The following CSMD3 variants were observed in gnomAD, a reference collection of about 807,000 sequenced individuals.
CSMD3 encodes the protein CUB and sushi domain-containing protein 3.
A neutral mutation model predicts 435.2 loss-of-function variants in CSMD3; 177 were observed. That is an observed-to-expected ratio of 0.41 (90% confidence interval 0.36 to 0.46). The LOEUF (loss-of-function observed/expected upper bound fraction) is 0.46, where lower values mean the gene tolerates loss of function less well. Among genes scored for constraint, CSMD3 ranks in the 20% least tolerant of loss-of-function variants. The pLI is 0.34. For synonymous variants in CSMD3, 1,656 were observed against 1,520.5 expected, an observed-to-expected ratio of 1.09 and a Z score of -2.07; for missense variants, 4,265 against 4,504.6, an observed-to-expected ratio of 0.95 and a Z score of 1.52.
At chr8:112,923,735 T>C in intron 9 of CSMD3, among the ~76,000 whole-genome samples, 1 of 152,206 alleles carries the variant, frequency 6.6e-6, no homozygotes, top group East Asian at 1.9e-4. Context: ...ATCTATTTTG[T>C]TTCCCAACAT....
chr8:113,301,529 T>G (rs1000331370), intron 2 of CSMD3, among the ~76,000 whole-genome samples: 1 of 150,970 alleles, frequency 6.6e-6, no homozygotes, highest in Non-Finnish European at 1.5e-5. Flanking sequence ...TTAGTTTATG[T>G]TTTTTTTTAA....
rs1239098509 is a variant in CSMD3, at chr8:112,361,568, C to CATATAT, written c.6137-9035_6137-9034insATATAT. Among the ~76,000 whole-genome samples, 20 of 35,592 alleles carry CATATAT rather than the reference C, an allele frequency of 5.6e-4. 1 individual carries two copies. Among genetic ancestry groups the CATATAT allele is most frequent in the Non-Finnish European group, 8.9e-4 (17 of 19,158 alleles). 23.3% of individuals were successfully genotyped at this position (35,592 alleles called of 152,430 possible). ...AAAAGTGTGTATGTATATATATACA[C>CATATAT]ATACATATATATATATATATATATA... On this transcript the variant is annotated intron_variant, in intron 38 of 70. Transcript: ENST00000297405.
intron 18 of CSMD3, among the ~76,000 whole-genome samples, chr8:112,654,034 G>C (rs569539043): frequency 1.5e-5 from 2 of 136,918 alleles, no homozygotes; most frequent in African/African-American, 5.5e-5. Flanking sequence ...AAAAGAATGG[G>C]GTAAAAAATA....
At chr8:113,074,064 T>A (rs1383293) in intron 5 of CSMD3, among the ~76,000 whole-genome samples, 101,910 of 151,582 alleles carry the variant, frequency 0.67, 35,872 homozygotes, top group East Asian at 0.95. Context: ...TTTTTGACAG[T>A]AGCTTCTATG....
At chr8:113,078,680 G>A (rs887545929) in intron 5 of CSMD3, among the ~76,000 whole-genome samples, 2 of 152,170 alleles carry the variant, frequency 1.3e-5, no homozygotes, top group Non-Finnish European at 2.9e-5. Flanking sequence ...GAAATCTTCA[G>A]TATAAAGTCC....
At chr8:113,422,988 C>A (rs1352254741) in intron 1 of CSMD3, among the ~76,000 whole-genome samples, 2 of 150,950 alleles carry the variant, frequency 1.3e-5, no homozygotes, top group Admixed American at 6.6e-5. Context: ...GGGAAGGAAC[C>A]CAAGTCTAAA....
At chr8:113,146,396 A>C (rs930446243) in intron 4 of CSMD3, among the ~76,000 whole-genome samples, 1 of 151,538 alleles carries the variant, frequency 6.6e-6, no homozygotes, top group Non-Finnish European at 1.5e-5. Context: ...TCAGTGACAC[A>C]ACAATATGCA....
At chr8:113,122,319 T>C (rs557770157) in intron 4 of CSMD3, among the ~76,000 whole-genome samples, 49 of 152,248 alleles carry the variant, frequency 3.2e-4, no homozygotes, top group Non-Finnish European at 5.4e-4. Flanking sequence ...TATGAAAAAG[T>C]AGAAGCATCC....
intron 32 of CSMD3, among the ~76,000 whole-genome samples, chr8:112,459,050 AT>A (rs1315701518): frequency 6.6e-6 from 1 of 151,886 alleles, no homozygotes; most frequent in African/African-American, 2.4e-5. Context: ...TAATCCCCTC[AT>A]TGTTTCTCAT....
intron 3 of CSMD3, among the ~76,000 whole-genome samples, chr8:113,226,467 A>G (rs1212569352): frequency 6.6e-6 from 1 of 151,578 alleles, no homozygotes; most frequent in Non-Finnish European, 1.5e-5. Context: ...GGCATGTATG[A>G]GTATGTCTGA....
At chr8:113,056,465 G>T (rs1279283697) in intron 5 of CSMD3, among the ~76,000 whole-genome samples, 2 of 152,044 alleles carry the variant, frequency 1.3e-5, no homozygotes, top group Non-Finnish European at 2.9e-5. Context: ...TTTTCACCTG[G>T]GTTTCTAATA....
chr8:113,370,003 G>T (rs1247292657), intron 1 of CSMD3, among the ~76,000 whole-genome samples: 1 of 151,726 alleles, frequency 6.6e-6, no homozygotes, highest in Non-Finnish European at 1.5e-5. Flanking sequence ...TGTACATGAT[G>T]ACTATAGTCA....
intron 2 of CSMD3, among the ~76,000 whole-genome samples, chr8:113,286,120 T>C (rs557296429): frequency 6.6e-6 from 1 of 152,228 alleles, no homozygotes; most frequent in African/African-American, 2.4e-5. Context: ...AACCCCATCT[T>C]AGCATTTTAT....
intron 59 of CSMD3, among the ~76,000 whole-genome samples, chr8:112,266,319 G>A (rs1384273142): frequency 2.6e-5 from 4 of 152,100 alleles, no homozygotes; most frequent in South Asian, 2.1e-4. Flanking sequence ...AGGGTGTCAC[G>A]TTTTGCAGAG....
chr8:113,314,481 G>A, intron 2 of CSMD3, 90 bp downstream of exon 2: 1 of 768,560 alleles, frequency 1.3e-6, no homozygotes, highest in Non-Finnish European at 2.3e-6. Flanking sequence ...TATTATAATT[G>A]CATCACAAAT....
At chr8:112,765,480 T>C (rs2077955241) in intron 13 of CSMD3, among the ~76,000 whole-genome samples, 1 of 151,640 alleles carries the variant, frequency 6.6e-6, no homozygotes, top group Non-Finnish European at 1.5e-5. Context: ...CGGGACACTG[T>C]TTCATGAACA....
chr8:113,377,136 A>C, intron 1 of CSMD3: 1 of 1,258,734 alleles, frequency 7.9e-7, no homozygotes, highest in South Asian at 1.4e-5. Context: ...CCGGTCCTCC[A>C]AAGGGCCGAG....
At chr8:112,381,346 T>C (rs1161842996) in intron 37 of CSMD3, among the ~76,000 whole-genome samples, 2 of 152,224 alleles carry the variant, frequency 1.3e-5, no homozygotes, top group African/African-American at 4.8e-5. Context: ...TATTAAGTTA[T>C]TGAGCTTGAA....
At chr8:113,148,024 TAC>T (rs2091718334) in intron 4 of CSMD3, among the ~76,000 whole-genome samples, 1 of 151,644 alleles carries the variant, frequency 6.6e-6, no homozygotes, top group South Asian at 2.1e-4. Context: ...TATAATACCT[TAC>T]ACTCCCACTT....
Sources: gnomAD v4.1 joint callset for allele counts (sites outside exome capture counted in the v4.1 genomes callset) on GRCh38, gnomAD v4.1.1 for gene constraint, MANE v1.5 for transcripts, NCBI Gene and HGNC (gene_info 2026-07-23, HGNC 2026-07-21) for gene names.